Variants in SLC24A2 observed in about 807,000 individuals in gnomAD.
SLC24A2 encodes the protein sodium/potassium/calcium exchanger 2.
SLC24A2 carries 36 observed loss-of-function variants against 62.0 expected under a neutral mutation model. That is an observed-to-expected ratio of 0.58 (90% CI 0.44 to 0.77). The LOEUF is 0.77. SLC24A2 is among the 30% of genes least tolerant of loss of function. The pLI, the probability that SLC24A2 is intolerant of heterozygous loss-of-function variation, is 0.00. For synonymous variants in SLC24A2, 358 were observed against 294.0 expected (o/e 1.22, Z -2.23); for missense variants, 846 against 817.9 (o/e 1.03, Z -0.42).
chr9:19,853,907 A>G, the SLC24A2 span, among the ~76,000 whole-genome samples: 1 of 152,222 alleles, frequency 6.6e-6, no homozygotes, highest in South Asian at 2.1e-4. Context: ...TACTTCTTAT[A>G]GAATTCAGCT....
the SLC24A2 span, among the ~76,000 whole-genome samples, chr9:20,288,174 A>C: frequency 1.3e-5 from 2 of 152,192 alleles, no homozygotes; most frequent in Admixed American, 1.3e-4. Flanking sequence ...TCATCTGCTC[A>C]TCACCTGGGC....
At chr9:19,620,997 G>A (rs1587050244) in intron 3 of SLC24A2, among the ~76,000 whole-genome samples, 1 of 152,058 alleles carries the variant, frequency 6.6e-6, no homozygotes, top group Non-Finnish European at 1.5e-5. Context: ...ATATTGGAAA[G>A]TGCTATATCC....
chr9:19,622,808 A>T (rs530928629), intron 2 of SLC24A2, among the ~76,000 whole-genome samples: 2 of 152,214 alleles, frequency 1.3e-5, no homozygotes, highest in South Asian at 4.2e-4. Flanking sequence ...TTGCAAAGAA[A>T]TGTCATTTTC....
the SLC24A2 span, chr9:19,958,272 G>A: frequency 6.6e-6 from 1 of 152,208 alleles, no homozygotes; most frequent in Admixed American, 6.5e-5. Flanking sequence ...GGATCCAGGT[G>A]ATTTAGAGCT....
At chr9:20,291,921 G>C in the SLC24A2 span, among the ~76,000 whole-genome samples, 37 of 152,280 alleles carry the variant, frequency 2.4e-4, no homozygotes, top group African/African-American at 8.7e-4. Flanking sequence ...TCTGGGTGGG[G>C]AAAATGGAGG....
chr9:20,232,343 C>A, the SLC24A2 span, among the ~76,000 whole-genome samples: 12 of 152,128 alleles, frequency 7.9e-5, no homozygotes, highest in Admixed American at 7.9e-4. Context: ...TGGTAGAATT[C>A]GGCTGTGAAT....
At position 19,741,963 on chromosome 9, in the gene SLC24A2, G is replaced by A. The variant is rs183394519; in HGVS notation, c.930+43974C>T. Reference sequence around the variant, plus strand: ...TGAGTTTTGCTTTAATAATAATGTAGTTAGTATAGTATGCAATGGGACAAT... The same window carrying A: ...TGAGTTTTGCTTTAATAATAATGTAATTAGTATAGTATGCAATGGGACAAT... On this transcript the variant is annotated intron_variant, in intron 2 of 10. Transcript: ENST00000341998. Among the ~76,000 whole-genome samples, 55 of 152,260 alleles carry A rather than the reference G, an allele frequency of 3.6e-4. 1 individual carries two copies. In the East Asian group the frequency reaches 8.5e-3, roughly 23 times the overall value.
chr9:19,685,442 C>T (rs1305482606), intron 2 of SLC24A2, among the ~76,000 whole-genome samples: 1 of 151,988 alleles, frequency 6.6e-6, no homozygotes, highest in Admixed American at 6.6e-5. Flanking sequence ...AAAAGGAGCT[C>T]AAATAGCCAA....
the SLC24A2 span, among the ~76,000 whole-genome samples, chr9:20,294,072 T>TAGACC: frequency 1.3e-5 from 2 of 152,090 alleles, no homozygotes; most frequent in African/African-American, 2.4e-5. Context: ...TCTTTTCTCC[T>TAGACC]AGACCATCAT....
the SLC24A2 span, among the ~76,000 whole-genome samples, chr9:20,179,629 G>T: frequency 1.3e-5 from 2 of 152,318 alleles, no homozygotes; most frequent in East Asian, 3.9e-4. Context: ...GAAGGAAAGG[G>T]AAGGGGAAGA....
At chr9:19,630,465 CAA>C (rs1183597584) in intron 2 of SLC24A2, among the ~76,000 whole-genome samples, 2 of 151,962 alleles carry the variant, frequency 1.3e-5, no homozygotes, top group East Asian at 1.9e-4. Flanking sequence ...CTTTGAACCT[CAA>C]AGAGAACAAA....
chr9:20,156,883 T>C, the SLC24A2 span, among the ~76,000 whole-genome samples: 5 of 151,636 alleles, frequency 3.3e-5, no homozygotes, highest in Admixed American at 3.3e-4. Context: ...AATACAAAGA[T>C]CCAAGACAAA....
At chr9:19,858,472 G>C in the SLC24A2 span, among the ~76,000 whole-genome samples, 1 of 152,118 alleles carries the variant, frequency 6.6e-6, no homozygotes, top group African/African-American at 2.4e-5. Flanking sequence ...GATGCCAAAA[G>C]CAATTGCAAC....
At chr9:20,047,730 C>T in the SLC24A2 span, among the ~76,000 whole-genome samples, 15 of 150,426 alleles carry the variant, frequency 1.0e-4, no homozygotes, top group Non-Finnish European at 1.8e-4. Flanking sequence ...AAACTAATCC[C>T]AACCACGAGG....
chr9:19,524,612 C>A (rs1397355749), intron 9 of SLC24A2, among the ~76,000 whole-genome samples: 1 of 152,164 alleles, frequency 6.6e-6, no homozygotes, highest in Non-Finnish European at 1.5e-5. Flanking sequence ...TAGAGCTAGA[C>A]TTCTTGGAAC....
chr9:19,877,936 G>C, the SLC24A2 span, among the ~76,000 whole-genome samples: 1 of 152,048 alleles, frequency 6.6e-6, no homozygotes, highest in Non-Finnish European at 1.5e-5. Context: ...ATAAATTTAT[G>C]TATGTGCTTA....
chr9:20,257,057 A>G, the SLC24A2 span, among the ~76,000 whole-genome samples: 1 of 152,174 alleles, frequency 6.6e-6, no homozygotes, highest in African/African-American at 2.4e-5. Context: ...TCAGAGAATC[A>G]GAGACTTCAG....
the SLC24A2 span, among the ~76,000 whole-genome samples, chr9:20,256,986 T>C: frequency 6.6e-6 from 1 of 152,116 alleles, no homozygotes; most frequent in South Asian, 2.1e-4. Context: ...GCCAGTATTA[T>C]TCTCTTTGCA....
intron 2 of SLC24A2, among the ~76,000 whole-genome samples, chr9:19,663,615 G>T (rs780593970): frequency 6.6e-6 from 1 of 152,144 alleles, no homozygotes; most frequent in Non-Finnish European, 1.5e-5. Context: ...TCAGAGAGCA[G>T]GGGTCAACTC....
Sources: gnomAD v4.1 joint callset for allele counts (sites outside exome capture counted in the v4.1 genomes callset) on GRCh38, gnomAD v4.1.1 for gene constraint, MANE v1.5 for transcripts, NCBI Gene and HGNC (gene_info 2026-07-23, HGNC 2026-07-21) for gene names.